The following MS4A6E variants were observed in gnomAD, a reference collection of about 807,000 sequenced individuals.
MS4A6E encodes the protein membrane spanning 4-domains A6E.
In MS4A6E, 8 loss-of-function variants were observed where a neutral mutation model predicts 13.2. The observed-to-expected ratio is 0.60, with a 90% CI of 0.35 to 1.09. MS4A6E has a LOEUF of 1.09. Ranked by LOEUF, MS4A6E falls within the 50% of genes least tolerant of loss-of-function variation. MS4A6E has a pLI of 0.02. For missense variants in MS4A6E, 177 were observed against 171.1 expected (o/e 1.03, Z -0.19); for synonymous variants, 72 against 67.6 (o/e 1.06, Z -0.32).
intron 1 of MS4A6E, among the ~76,000 whole-genome samples, chr11:60,328,151 G>T (rs1176617732): frequency 6.6e-6 from 1 of 151,822 alleles, no homozygotes; most frequent in Non-Finnish European, 1.5e-5. Context: ...TAAAGGCAAT[G>T]AACTAGGATG....
intron 2 of MS4A6E, 53 bp downstream of exon 2, chr11:60,335,095 T>C: frequency 3.1e-6 from 5 of 1,601,312 alleles, no homozygotes; most frequent in Non-Finnish European, 4.3e-6. Flanking sequence ...TGGGAAGAGA[T>C]GATGTATGTT....
downstream of MS4A6E, among the ~76,000 whole-genome samples, chr11:60,342,170 TGTGTGTGTGA>T (rs1487373327): frequency 6.3e-5 from 2 of 31,852 alleles, no homozygotes; most frequent in Non-Finnish European, 1.2e-4. Flanking sequence ...TGTGTGTGTG[TGTGTGTGTGA>T]GAGAGAGAGA....
chr11:60,330,741 T>A (rs1304825415), intron 1 of MS4A6E, among the ~76,000 whole-genome samples: 4 of 152,230 alleles, frequency 2.6e-5, no homozygotes, highest in Non-Finnish European at 5.9e-5. Flanking sequence ...ATGGTTTTTA[T>A]GGTTTTAGGT....
At position 60,337,732 on chromosome 11, in the gene MS4A6E, C is replaced by T; in HGVS notation, c.148-9C>T. The T allele has an allele frequency of 1.9e-6, 3 of 1,614,114 alleles. No homozygotes were observed. Among genetic ancestry groups the T allele is most frequent in the Non-Finnish European group, 8.5e-7 (1 of 1,180,018 alleles). On this transcript the variant is annotated splice_polypyrimidine_tract_variant and intron_variant, in intron 2 of 4. Coordinates refer to ENST00000684409, the MANE Select transcript of MS4A6E (RefSeq NM_139249.4). ...TGGGAATGATTCTTACCCAGCATGT[C>T]TCTTTCAGGTGCATAGCAGCCTGGC...
At chr11:60,345,523 A>G (rs1437557863), downstream of MS4A6E, among the ~76,000 whole-genome samples, 1 of 152,180 alleles carries the variant, frequency 6.6e-6, no homozygotes, top group Non-Finnish European at 1.5e-5. Context: ...TGGATTTTCT[A>G]GGAGAGTTTC....
chr11:60,332,697 A>G (rs539468810), intron 1 of MS4A6E, among the ~76,000 whole-genome samples: 7 of 152,350 alleles, frequency 4.6e-5, no homozygotes, highest in African/African-American at 9.6e-5. Context: ...TGTCAAAACC[A>G]TAAAACTGCT....
At chr11:60,342,131 T>C (rs577408921), downstream of MS4A6E, among the ~76,000 whole-genome samples, 1 of 145,666 alleles carries the variant, frequency 6.9e-6, no homozygotes, top group South Asian at 2.2e-4. Flanking sequence ...TAAAAGAATG[T>C]AGAGGATAAA....
At chr11:60,330,381 G>T (rs1590772333) in intron 1 of MS4A6E, among the ~76,000 whole-genome samples, 1 of 100,226 alleles carries the variant, frequency 1.0e-5, no homozygotes, top group African/African-American at 3.8e-5. Flanking sequence ...TCACTCTTTT[G>T]CCCAGGCTGG....
chr11:60,347,602 T>C (rs1462144366), intron 4 of MS4A6E, among the ~76,000 whole-genome samples: 5 of 150,146 alleles, frequency 3.3e-5, no homozygotes, highest in East Asian at 2.0e-4. Flanking sequence ...AAAAGGCCTA[T>C]CTTTAGTCTC....
intron 1 of MS4A6E, among the ~76,000 whole-genome samples, chr11:60,328,347 T>C (rs2085132819): frequency 6.6e-6 from 1 of 152,130 alleles, no homozygotes; most frequent in Admixed American, 6.5e-5. Flanking sequence ...AAATTAAAGG[T>C]ATGGCCAAGC....
chr11:60,334,982 C>G lies in MS4A6E; in HGVS notation c.87C>G (p.Pro29=), dbSNP rs2085179176. The G allele has an allele frequency of 1.1e-5, 18 of 1,614,160 alleles. No individual in the cohort carries two copies. In the East Asian group the frequency reaches 4.0e-4, roughly 36 times the overall value. The change falls in exon 2 of 5, where the codon CCC becomes CCG. Residue 29 remains proline (P), a synonymous_variant. Coordinates refer to ENST00000684409, the MANE Select transcript of MS4A6E (RefSeq NM_139249.4). ...TCTCCCAAGCAGAGAAACCCGAACC[C>G]ACCAACCAGGGGCAGGATAGCCTGA... The part of the protein sequence containing the change: ...INFSQAEKPE[P]TNQGQDSLKK...
At position 60,349,008 on chromosome 11, in the gene MS4A6E, G is replaced by C. The variant is rs534498797; in HGVS notation, c.*162+8080G>C. Among the ~76,000 whole-genome samples, 3 of 152,312 alleles carry C rather than the reference G, an allele frequency of 2.0e-5. No homozygotes were observed. In the South Asian group the frequency reaches 6.2e-4, roughly 32 times the overall value. On this transcript the variant is annotated intron_variant and NMD_transcript_variant, in intron 4 of 4. Coordinates refer to the MS4A6E transcript ENST00000532756. ...TAAAAGATTTCTTTCAATTCACCCAGAGTGAAGAGAATGGGGTGGGGGTGG... is the reference window on the plus strand; with the variant it reads ...TAAAAGATTTCTTTCAATTCACCCACAGTGAAGAGAATGGGGTGGGGGTGG...
intron 1 of MS4A6E, among the ~76,000 whole-genome samples, chr11:60,332,222 T>G (rs1182554940): frequency 5.3e-5 from 8 of 152,242 alleles, no homozygotes; most frequent in Non-Finnish European, 2.9e-5. Flanking sequence ...AAATTTGTCA[T>G]CTCATCCTCT....
At chr11:60,336,127 T>G (rs2085187197) in intron 2 of MS4A6E, among the ~76,000 whole-genome samples, 1 of 152,180 alleles carries the variant, frequency 6.6e-6, no homozygotes, top group Non-Finnish European at 1.5e-5. Context: ...AGATTATTGT[T>G]TGGAACCCTC....
At chr11:60,337,626 C>T in intron 2 of MS4A6E, 115 bp from the exon 3 acceptor site, 4 of 1,306,712 alleles carry the variant, frequency 3.1e-6, no homozygotes, top group Non-Finnish European at 4.3e-6. Context: ...AATGATCCCT[C>T]CGGGACTTCC....
At position 60,333,019 on chromosome 11, in the gene MS4A6E, C is replaced by T. The variant is rs558030595; in HGVS notation, c.-14-1863C>T. Among the ~76,000 whole-genome samples the T allele has an allele frequency of 2.7e-4, 41 of 152,320 alleles. 1 individual carries two copies. In the South Asian group the frequency reaches 8.3e-3, roughly 31 times the overall value. The stretch of plus-strand genomic sequence containing the variant: ...TCTTCCTTTCTTTCCTTCACACTTC[C>T]CTCTTTTCCTTCATTATAGGAAGAA... On this transcript the variant is annotated intron_variant, in intron 1 of 4. Coordinates refer to ENST00000684409, the MANE Select transcript of MS4A6E (RefSeq NM_139249.4).
intron 3 of MS4A6E, 29 bp downstream of exon 3, chr11:60,337,976 A>G (rs1179622887): frequency 6.3e-7 from 1 of 1,590,320 alleles, no homozygotes; most frequent in Admixed American, 1.7e-5. Flanking sequence ...GGATGTTCTA[A>G]TTTTATGAGG....
At chr11:60,335,471 C>A in intron 2 of MS4A6E, 1 of 418,486 alleles carries the variant, frequency 2.4e-6, no homozygotes, top group Non-Finnish European at 4.7e-6. Flanking sequence ...TTTCTTCTTA[C>A]CTTTTTGAGA....
At chr11:60,341,713 T>C (rs2085227025), downstream of MS4A6E, among the ~76,000 whole-genome samples, 1 of 152,218 alleles carries the variant, frequency 6.6e-6, no homozygotes, top group Non-Finnish European at 1.5e-5. Context: ...TCATACTTCA[T>C]ACTCACTGTC....
Sources: allele counts gnomAD v4.1 joint callset (sites outside exome capture counted in the v4.1 genomes callset), GRCh38; gene constraint gnomAD v4.1.1; transcripts MANE v1.5; gene names NCBI Gene and HGNC (gene_info 2026-07-23, HGNC 2026-07-21).